Variants in ANGPT2 observed in about 807,000 individuals in gnomAD.
ANGPT2 encodes angiopoietin-2.
Under a neutral mutation model 62.9 loss-of-function variants are expected in ANGPT2, and 28 were observed. The ratio of observed to expected loss-of-function variants is 0.44; its 90% CI spans 0.33 to 0.61. The LOEUF is 0.61. ANGPT2 is among the 20% of genes least tolerant of loss of function. The pLI is 0.03. For synonymous variants in ANGPT2, 284 were observed against 207.8 expected (o/e 1.37, Z -3.15); for missense variants, 727 against 594.9 (o/e 1.22, Z -2.31).
chr8:6,529,161 T>G (rs763013439), intron 2 of ANGPT2, among the ~76,000 whole-genome samples: 9 of 152,164 alleles, frequency 5.9e-5, no homozygotes, highest in Non-Finnish European at 1.0e-4. Context: ...CTGGAGAGCA[T>G]CAAACCGCTG....
At chr8:6,526,556 A>G (rs1818389692) in intron 3 of ANGPT2, among the ~76,000 whole-genome samples, 1 of 152,256 alleles carries the variant, frequency 6.6e-6, no homozygotes, top group South Asian at 2.1e-4. Context: ...AAATATTTGA[A>G]TTTTAAAAAT....
At chr8:6,517,579 C>T (rs2922900) in intron 5 of ANGPT2, among the ~76,000 whole-genome samples, 35,655 of 152,132 alleles carry the variant, frequency 0.23, 5,343 homozygotes, top group Middle Eastern at 0.42. Flanking sequence ...AGTGCAGAAT[C>T]GGGTCTCCTG....
intron 1 of ANGPT2, among the ~76,000 whole-genome samples, chr8:6,537,133 C>A (rs541469580): frequency 6.6e-6 from 1 of 152,230 alleles, no homozygotes; most frequent in African/African-American, 2.4e-5. Flanking sequence ...GGGAGGGGAC[C>A]CGGCTCTTTC....
At chr8:6,509,214 G>T in intron 7 of ANGPT2, 152 bp from the exon 8 acceptor site, 1 of 961,828 alleles carries the variant, frequency 1.0e-6, no homozygotes, top group Non-Finnish European at 1.5e-6. Flanking sequence ...ATTTTGCACT[G>T]GTATAAACAG....
chr8:6,518,792 A>G (rs1347756584), intron 5 of ANGPT2, among the ~76,000 whole-genome samples: 4 of 152,228 alleles, frequency 2.6e-5, no homozygotes, highest in Non-Finnish European at 1.5e-5. Flanking sequence ...ATTTATAGAC[A>G]TTTAATATAT....
At chr8:6,522,284 G>C (rs1433816587) in intron 3 of ANGPT2, among the ~76,000 whole-genome samples, 2 of 152,122 alleles carry the variant, frequency 1.3e-5, no homozygotes, top group Admixed American at 6.5e-5. Flanking sequence ...GATCTCGGGA[G>C]GCGGAGCTTG....
At chr8:6,518,622 C>T (rs113123192) in intron 5 of ANGPT2, among the ~76,000 whole-genome samples, 1,625 of 152,138 alleles carry the variant, frequency 0.011, 29 homozygotes, top group African/African-American at 0.038. Context: ...AAGTGTTTTT[C>T]TTTGATACTG....
chr8:6,534,050 C>A (rs1278713701), intron 1 of ANGPT2, among the ~76,000 whole-genome samples: 2 of 152,156 alleles, frequency 1.3e-5, no homozygotes, highest in East Asian at 3.9e-4. Flanking sequence ...CAGCTCCCTG[C>A]ATGCCCCTCA....
intron 1 of ANGPT2, among the ~76,000 whole-genome samples, chr8:6,558,890 A>C (rs559185951): frequency 6.6e-6 from 1 of 152,300 alleles, no homozygotes; most frequent in Non-Finnish European, 1.5e-5. Flanking sequence ...ATATCATACT[A>C]TACATATACA....
chr8:6,504,342 G>A (rs1244604336), intron 8 of ANGPT2, among the ~76,000 whole-genome samples: 3 of 134,450 alleles, frequency 2.2e-5, no homozygotes, highest in African/African-American at 8.3e-5. Context: ...AAAAAAGAAT[G>A]TATAAACCTT....
chr8:6,556,824 A>T (rs999058312), intron 1 of ANGPT2, among the ~76,000 whole-genome samples: 5 of 151,964 alleles, frequency 3.3e-5, no homozygotes, highest in African/African-American at 7.3e-5. Flanking sequence ...CCTGGCCTCA[A>T]AGTGTCTTCC....
intron 7 of ANGPT2, among the ~76,000 whole-genome samples, chr8:6,511,086 A>G (rs913610318): frequency 1.3e-5 from 2 of 152,196 alleles, no homozygotes; most frequent in Admixed American, 6.5e-5. Flanking sequence ...TCCTTTGAAC[A>G]TGTTTAGTTC....
At position 6,500,252 on chromosome 8, in the gene ANGPT2, G is replaced by T. The variant is rs1870; in HGVS notation, c.*2849C>A. 111,222 of 336,120 alleles carry T rather than the reference G, an allele frequency of 0.33. 19,410 individuals carry two copies. The highest frequency in any genetic ancestry group is 0.43 in the Middle Eastern group (418 of 974). 20.8% of individuals were successfully genotyped at this position (336,120 alleles called of 1,614,324 possible). On this transcript the variant is annotated 3_prime_UTR_variant, in exon 9 of 9. Transcript: ENST00000629816. Reference sequence around the variant, plus strand: ...TTATATCTTGCTTAATGTTTTTACTGTTAATAGAAATAGAACTGATAGGTA... The same window carrying T: ...TTATATCTTGCTTAATGTTTTTACTTTTAATAGAAATAGAACTGATAGGTA...
At chr8:6,541,891 C>T (rs1018284346) in intron 1 of ANGPT2, among the ~76,000 whole-genome samples, 18 of 151,632 alleles carry the variant, frequency 1.2e-4, no homozygotes, top group African/African-American at 4.4e-4. Flanking sequence ...GCCTGTGGTC[C>T]TAGCTACTCA....
At chr8:6,529,301 A>T (rs1014881857) in intron 2 of ANGPT2, among the ~76,000 whole-genome samples, 4 of 152,176 alleles carry the variant, frequency 2.6e-5, no homozygotes. Context: ...TCTCATTCTG[A>T]CAGGCTTGGA....
rs1811803960 is a variant in ANGPT2 at position 6,499,824 on chromosome 8, A to G, written c.*3277T>C. 3 of 1,606,050 alleles carry G rather than the reference A, an allele frequency of 1.9e-6. No homozygotes were observed. Among genetic ancestry groups the G allele is most frequent in the African/African-American group, 1.3e-5 (1 of 74,726 alleles). On this transcript the variant is annotated 3_prime_UTR_variant, in exon 9 of 9. Transcript: ENST00000629816. The stretch of plus-strand genomic sequence containing the variant: ...GCCTGCTAAGGCTAATAAATGTATA[A>G]TAAATCTGCTTGTTGTGTCACTTGC...
Position 6,554,226 on chromosome 8 carries a change from T to A in ANGPT2, c.288+8421A>T, listed in dbSNP as rs533831633. Among the ~76,000 whole-genome samples the A allele has an allele frequency of 6.6e-4, 100 of 150,920 alleles. 1 individual carries two copies. Among genetic ancestry groups the A allele is most frequent in the Non-Finnish European group, 1.2e-3 (79 of 67,840 alleles). ...TCAAGAGTGTTAACATGGGAGTAAG[T>A]GTGACAAATGCCCAGGTGGTCTGGA... On this transcript the variant is annotated intron_variant, in intron 1 of 8. Transcript: ENST00000629816.
intron 1 of ANGPT2, among the ~76,000 whole-genome samples, chr8:6,539,222 A>G (rs1821073468): frequency 6.6e-6 from 1 of 152,242 alleles, no homozygotes; most frequent in Admixed American, 6.5e-5. Context: ...GTGAGAGGTG[A>G]TGTTCACATG....
At chr8:6,560,006 G>A (rs1425644277) in intron 1 of ANGPT2, among the ~76,000 whole-genome samples, 1 of 152,208 alleles carries the variant, frequency 6.6e-6, no homozygotes, top group African/African-American at 2.4e-5. Flanking sequence ...TTGATGATGT[G>A]AAACCTGCTT....
Sources: gnomAD v4.1 joint callset for allele counts (sites outside exome capture counted in the v4.1 genomes callset) on GRCh38, gnomAD v4.1.1 for gene constraint, MANE v1.5 for transcripts, NCBI Gene and HGNC (gene_info 2026-07-23, HGNC 2026-07-21) for gene names.